SMARCC1: variants seen among roughly 807,000 people sequenced by gnomAD.
SMARCC1 encodes the protein SWI/SNF related BAF chromatin remodeling complex subunit C1, also known as SWI/SNF complex subunit SMARCC1.
Under a neutral mutation model 147.4 loss-of-function variants are expected in SMARCC1, and 43 were observed. The observed-to-expected ratio is 0.29, with a 90% CI of 0.23 to 0.38. SMARCC1 has a LOEUF of 0.38. Among genes scored for constraint, SMARCC1 ranks in the 10% least tolerant of loss-of-function variants. SMARCC1 has a pLI of 1.00. For missense variants in SMARCC1, 1,119 were observed against 1,381.1 expected, an observed-to-expected ratio of 0.81 and a Z score of 3.01; for synonymous variants, 495 against 484.4, an observed-to-expected ratio of 1.02 and a Z score of -0.29.
Position 47,610,096 on chromosome 3 carries a change from G to A in SMARCC1, c.3013C>T (p.Gln1005Ter), listed in dbSNP as rs2032541460. The A allele has an allele frequency of 6.2e-7, 1 of 1,612,956 alleles. No individual in the cohort carries two copies. The highest frequency in any genetic ancestry group is 8.5e-7 in the Non-Finnish European group (1 of 1,180,024). Residue 1005 changes from glutamine (Q) to a stop codon, truncating the protein, a stop_gained, in exon 26 of 28, where the codon CAG becomes TAG. Transcript: ENST00000254480. LOFTEE classifies it high-confidence loss of function. The part of the protein sequence containing the change: ...QPPPYPLMHH[Q>*]MPPPHPPQPG... ...TGGGGTGGATGAGGTGGTGGCATCT[G>A]GTGGTGCATCAGAGGGTAGGGAGGG...
intron 2 of SMARCC1, among the ~76,000 whole-genome samples, chr3:47,769,221 A>C (rs1429903482): frequency 6.7e-6 from 1 of 148,548 alleles, no homozygotes; most frequent in Non-Finnish European, 1.5e-5. Flanking sequence ...AAAAAAAAAA[A>C]AAAAAAAAAA....
At chr3:47,658,649 C>G (rs1055489079) in intron 21 of SMARCC1, among the ~76,000 whole-genome samples, 2 of 152,202 alleles carry the variant, frequency 1.3e-5, no homozygotes, top group African/African-American at 4.8e-5. Flanking sequence ...GGATATACCA[C>G]ATTTTGCTTA....
chr3:47,676,777 T>C lies in SMARCC1; in HGVS notation c.1577A>G (p.His526Arg). Reference sequence around the variant, plus strand: ...GAGTCCCCACTGCTCTAAAAAGGCATGGACCCTAAAGAATAAAGCTCGGAA... The same window carrying C: ...GAGTCCCCACTGCTCTAAAAAGGCACGGACCCTAAAGAATAAAGCTCGGAA... ...TGDVCAVMRV[H>R]AFLEQWGLVN... Residue 526 changes from histidine to arginine, a missense_variant, in exon 17 of 28, where the codon CAT (histidine) becomes CGT (arginine). His to Arg is a conservative substitution (Grantham distance 29). Around this residue, in one of 6 missense-constraint regions of SMARCC1, gnomAD observed 178 missense variants for 264.6 expected, o/e 0.67. Coordinates refer to ENST00000254480, the MANE Select transcript of SMARCC1 (RefSeq NM_003074.4). The C allele has an allele frequency of 6.2e-7, 1 of 1,613,244 alleles. No individual in the cohort carries two copies. Among genetic ancestry groups the C allele is most frequent in the African/African-American group, 1.3e-5 (1 of 74,992 alleles).
rs2034074358 is a variant in SMARCC1 at position 47,710,697 on chromosome 3, T to C, written c.904A>G (p.Thr302Ala). 2 of 1,613,702 alleles carry C rather than the reference T, an allele frequency of 1.2e-6. No individual in the cohort carries two copies. Among genetic ancestry groups the C allele is most frequent in the South Asian group, 1.1e-5 (1 of 90,956 alleles). The part of the protein sequence containing the change: ...KPVSFRQRIS[T>A]KNEEPVRSPE... ...AAAGAAAATACCTCTTCATTCTTGG[T>C]TGAAATCCGCTGACGAAAACTCACA... The change falls in exon 9 of 28, where the codon ACC becomes GCC. Residue 302 changes from threonine to alanine, a missense_variant. Transcript: ENST00000254480.
At chr3:47,717,390 T>C (rs1267886228) in intron 7 of SMARCC1, among the ~76,000 whole-genome samples, 1 of 152,008 alleles carries the variant, frequency 6.6e-6, no homozygotes, top group East Asian at 1.9e-4. Flanking sequence ...TTAAAACCAG[T>C]AAGGTTTTAA....
At chr3:47,636,864 G>A (rs1231566739) in intron 22 of SMARCC1, among the ~76,000 whole-genome samples, 2 of 147,916 alleles carry the variant, frequency 1.4e-5, no homozygotes, top group South Asian at 4.4e-4. Context: ...TTGATTTAAA[G>A]AATTAAGAGC....
At chr3:47,754,406 T>A (rs1282548027) in intron 2 of SMARCC1, among the ~76,000 whole-genome samples, 1 of 152,086 alleles carries the variant, frequency 6.6e-6, no homozygotes, top group Non-Finnish European at 1.5e-5. Context: ...TTTCACCATG[T>A]TGGCCAGGAT....
chr3:47,630,011 C>G (rs1216587899), intron 24 of SMARCC1, among the ~76,000 whole-genome samples: 1 of 151,572 alleles, frequency 6.6e-6, no homozygotes, highest in East Asian at 1.9e-4. Flanking sequence ...GGGAGAGGCC[C>G]AACCTTTCAC....
chr3:47,708,451 T>A (rs1313278495), intron 9 of SMARCC1, among the ~76,000 whole-genome samples: 2 of 152,108 alleles, frequency 1.3e-5, no homozygotes, highest in African/African-American at 4.8e-5. Flanking sequence ...CTTAATTTTT[T>A]AACAAATATC....
At chr3:47,776,662 G>A (rs2034978586) in intron 1 of SMARCC1, among the ~76,000 whole-genome samples, 1 of 151,962 alleles carries the variant, frequency 6.6e-6, no homozygotes, top group Non-Finnish European at 1.5e-5. Flanking sequence ...CTCTATAGCT[G>A]AAAAAGACAA....
chr3:47,592,993 T>A (rs1368187066), intron 26 of SMARCC1, among the ~76,000 whole-genome samples: 1 of 151,754 alleles, frequency 6.6e-6, no homozygotes, highest in Non-Finnish European at 1.5e-5. Flanking sequence ...CTCTTTTTTT[T>A]ATTTTTTATT....
intron 2 of SMARCC1, among the ~76,000 whole-genome samples, chr3:47,760,944 C>T (rs543554469): frequency 6.6e-6 from 1 of 152,136 alleles, no homozygotes; most frequent in African/African-American, 2.4e-5. Context: ...ACCAGCCTAG[C>T]CAACATGGTG....
In SMARCC1 at chr3:47,610,004, A is replaced by G. The variant is rs189725340; in HGVS notation, c.3043+62T>C. On this transcript the variant is annotated intron_variant, in intron 26 of 27. Coordinates refer to ENST00000254480, the MANE Select transcript of SMARCC1 (RefSeq NM_003074.4). The stretch of plus-strand genomic sequence containing the variant: ...AACACCAACTGTGTGGTTGGCCCCA[A>G]TGATGCTCTGTGCCTCTGTAGTGAC... 1.1e-4 allele frequency: 175 copies of G among 1,563,062 alleles called. 3 individuals carry two copies. The East Asian group carries it at 2.1e-3, about 18-fold the overall frequency.
intron 6 of SMARCC1, among the ~76,000 whole-genome samples, chr3:47,727,740 C>T (rs567005293): frequency 2.0e-5 from 3 of 151,994 alleles, no homozygotes; most frequent in Non-Finnish European, 2.9e-5. Context: ...CTCAGCCTCC[C>T]GAGTAGCTAG....
intron 5 of SMARCC1, among the ~76,000 whole-genome samples, chr3:47,732,307 G>T (rs962077977): frequency 6.6e-6 from 1 of 152,182 alleles, no homozygotes; most frequent in Non-Finnish European, 1.5e-5. Flanking sequence ...TTAAGGAAAT[G>T]TTGGGCTGCT....
chr3:47,591,005 G>GT (rs1284998090), intron 26 of SMARCC1, among the ~76,000 whole-genome samples, 168 bp from the exon 27 acceptor site: 3 of 152,092 alleles, frequency 2.0e-5, no homozygotes, highest in African/African-American at 7.2e-5. Flanking sequence ...TGTATTCTGG[G>GT]TTTTTTGGAA....
At chr3:47,745,842 CAAGG>C in intron 3 of SMARCC1, 62 bp downstream of exon 3, 1 of 952,984 alleles carries the variant, frequency 1.0e-6, no homozygotes, top group Non-Finnish European at 1.6e-6. Context: ...TTTTCTAACA[CAAGG>C]AAACAGGACT....
At chr3:47,613,788 C>T (rs2106674423) in intron 25 of SMARCC1, among the ~76,000 whole-genome samples, 1 of 152,288 alleles carries the variant, frequency 6.6e-6, no homozygotes, top group South Asian at 2.1e-4. Flanking sequence ...TCCTGAGCCC[C>T]CACTTCCCCT....
chr3:47,621,316 A>AAG (rs1329048868), intron 25 of SMARCC1, among the ~76,000 whole-genome samples: 1 of 151,934 alleles, frequency 6.6e-6, no homozygotes, highest in African/African-American at 2.4e-5. Context: ...AAAAAAAAAA[A>AAG]AAGAAAAGAA....
Sources: gnomAD v4.1 joint callset for allele counts (sites outside exome capture counted in the v4.1 genomes callset) on GRCh38, gnomAD v4.1.1 for gene constraint, gnomAD v4.1.1 regional missense constraint, MANE v1.5 for transcripts, NCBI Gene and HGNC (gene_info 2026-07-23, HGNC 2026-07-21) for gene names.